AKR1B1: variants seen among roughly 807,000 people sequenced by gnomAD.
AKR1B1 encodes the protein aldo-keto reductase family 1 member B1.
In AKR1B1, 22 loss-of-function variants were observed where a neutral mutation model predicts 40.4. The observed-to-expected ratio is 0.54, with a 90% CI of 0.39 to 0.78. The LOEUF (loss-of-function observed/expected upper bound fraction) is 0.78, where lower values mean the gene tolerates loss of function less well. Ranked by LOEUF, AKR1B1 falls within the 30% of genes least tolerant of loss-of-function variation. The pLI is 0.00. For missense variants in AKR1B1, 357 were observed against 396.7 expected, an observed-to-expected ratio of 0.90 and a Z score of 0.85; for synonymous variants, 157 against 149.9, an observed-to-expected ratio of 1.05 and a Z score of -0.35.
Position 134,442,519 on chromosome 7 carries a change from G to T in AKR1B1, c.*209C>A. ...AGGTTGTACTTTCCCCAGCAGGGTA[G>T]AAAGAAGGGCAAAGCAAACTGGAAG... On this transcript the variant is annotated 3_prime_UTR_variant, in exon 10 of 10. Transcript: ENST00000285930. The T allele has an allele frequency of 3.6e-6, 2 of 560,998 alleles. No individual in the cohort carries two copies. 34.8% of individuals were successfully genotyped at this position (560,998 alleles called of 1,614,324 possible).
rs749362657 is a variant in AKR1B1, at chr7:134,448,463, TCTC to T, written c.580_582del (p.Glu194del). ...TTGGACTGGCAGTACTGGATTAACTTCTCCTGAGTGAGATATGGGTGGCACTCA... is the reference window on the plus strand; with the variant it reads ...TTGGACTGGCAGTACTGGATTAACTTCTGAGTGAGATATGGGTGGCACTCA... On this transcript the variant is annotated inframe_deletion, in exon 6 of 10. Transcript: ENST00000285930. 13 of 1,613,742 alleles carry T rather than the reference TCTC, an allele frequency of 8.1e-6. No homozygotes were observed. Among genetic ancestry groups the T allele is most frequent in the Non-Finnish European group, 1.1e-5 (13 of 1,179,932 alleles).
At chr7:134,452,496 A>G (rs1806318295) in intron 1 of AKR1B1, among the ~76,000 whole-genome samples, 1 of 152,236 alleles carries the variant, frequency 6.6e-6, no homozygotes, top group Non-Finnish European at 1.5e-5. Context: ...ATGGGTGTCC[A>G]TGGCCAAGCC....
chr7:134,459,078 C>T lies in AKR1B1; in HGVS notation c.-16G>A. On this transcript the variant is annotated 5_prime_UTR_variant, in exon 1 of 10. Transcript: ENST00000285930. Reference sequence around the variant, plus strand: ...GGCTTGCCATGGCTGCTGCGCTCCCCAGACCCCCGCCCAGTACGGTGCGGC... The same window carrying T: ...GGCTTGCCATGGCTGCTGCGCTCCCTAGACCCCCGCCCAGTACGGTGCGGC... 2 of 1,597,640 alleles carry T rather than the reference C, an allele frequency of 1.3e-6. No homozygotes were observed. The highest frequency in any genetic ancestry group is 1.7e-6 in the Non-Finnish European group (2 of 1,173,014).
intron 1 of AKR1B1, among the ~76,000 whole-genome samples, chr7:134,457,560 T>C (rs1806508668): frequency 6.6e-6 from 1 of 152,176 alleles, no homozygotes; most frequent in Admixed American, 6.5e-5. Flanking sequence ...TTACCTTATA[T>C]TTACTAATTT....
At chr7:134,452,138 T>C (rs1325831112) in intron 1 of AKR1B1, among the ~76,000 whole-genome samples, 1 of 152,206 alleles carries the variant, frequency 6.6e-6, no homozygotes, top group East Asian at 1.9e-4. Flanking sequence ...TCTCAAAATA[T>C]TTCAAAAATA....
chr7:134,450,549 C>A (rs1254357228), intron 3 of AKR1B1, among the ~76,000 whole-genome samples: 1 of 152,204 alleles, frequency 6.6e-6, no homozygotes, highest in Non-Finnish European at 1.5e-5. Context: ...GCTCCTCAAA[C>A]TTTGAAGAAG....
At chr7:134,444,830 C>T in intron 9 of AKR1B1, 1 of 317,770 alleles carries the variant, frequency 3.1e-6, no homozygotes, top group Non-Finnish European at 6.1e-6. Flanking sequence ...CTGTCTCAAA[C>T]CTCAGCCCCA....
rs1047443192 is a variant in AKR1B1, at chr7:134,451,353, G to A, written c.234+233C>T. The A allele has an allele frequency of 2.0e-5, 12 of 615,356 alleles. No homozygotes were observed. In the Admixed American group the frequency reaches 2.4e-4, roughly 12 times the overall value. The allele number at this position is 615,356 out of a possible 1,614,324, so 38.1% of individuals were successfully genotyped here. On this transcript the variant is annotated intron_variant, in intron 2 of 9. Coordinates refer to ENST00000285930, the MANE Select transcript of AKR1B1 (RefSeq NM_001628.4). ...AAGGGAGGGCCAATCCACAACCTCAGCCTCATCAGCACGGGACTCTAAGCA... is the reference window on the plus strand; with the variant it reads ...AAGGGAGGGCCAATCCACAACCTCAACCTCATCAGCACGGGACTCTAAGCA...
intron 1 of AKR1B1, among the ~76,000 whole-genome samples, chr7:134,457,533 T>C (rs1443458395): frequency 3.3e-5 from 5 of 152,234 alleles, no homozygotes; most frequent in Admixed American, 2.6e-4. Flanking sequence ...CTCTCCCTGA[T>C]GCAAATGACC....
intron 8 of AKR1B1, 144 bp from the exon 9 acceptor site, chr7:134,445,464 T>C: frequency 1.4e-6 from 1 of 735,252 alleles, no homozygotes; most frequent in Non-Finnish European, 2.4e-6. Context: ...GATATATTAG[T>C]ATTCAGGAAA....
intron 9 of AKR1B1, among the ~76,000 whole-genome samples, chr7:134,443,745 G>A (rs762148496): frequency 5.9e-5 from 9 of 152,034 alleles, no homozygotes; most frequent in Non-Finnish European, 8.8e-5. Flanking sequence ...ATCTGAGCTG[G>A]GTGCTTACAG....
Position 134,447,336 on chromosome 7 carries a change from T to C in AKR1B1, c.787A>G (p.Lys263Glu), listed in dbSNP as rs201921941. 158 of 1,613,976 alleles carry C rather than the reference T, an allele frequency of 9.8e-5. No homozygotes were observed. The highest frequency in any genetic ancestry group is 8.4e-5 in the Non-Finnish European group (99 of 1,180,012). Residue 263 changes from lysine to glutamate, a missense_variant, in exon 8 of 10, where the codon AAG (lysine) becomes GAG (glutamate). Lys to Glu is a moderately conservative substitution (Grantham distance 56, BLOSUM62 1). Transcript: ENST00000285930. ...PMQRNLVVIPKSVTPERIAEN... is the reference protein window; with the variant it reads ...PMQRNLVVIPESVTPERIAEN... ...GCAATGCGTTCTGGTGTCACAGACT[T>C]GGGGATCACCACCAAGTTCCTCTGC...
Position 134,459,058 on chromosome 7 carries a change from G to A in AKR1B1, c.5C>T (p.Ala2Val), listed in dbSNP as rs776171717. 1.9e-6 allele frequency: 3 copies of A among 1,603,758 alleles called. No individual in the cohort carries two copies. The highest frequency in any genetic ancestry group is 1.7e-6 in the Non-Finnish European group (2 of 1,176,022). Residue 2 changes from alanine to valine, a missense_variant, in exon 1 of 10, where the codon GCA (alanine) becomes GTA (valine). By Grantham distance (64) the Ala-to-Val change is moderately conservative (BLOSUM62 0). Transcript: ENST00000285930. The part of the protein sequence containing the change: M[A>V]SRLLLNNGAK... ...GCCGTTGTTGAGCAGGAGACGGCTT[G>A]CCATGGCTGCTGCGCTCCCCAGACC...
intron 4 of AKR1B1, 85 bp downstream of exon 4, chr7:134,449,635 C>T (rs1364411409): frequency 2.8e-6 from 3 of 1,081,178 alleles, no homozygotes; most frequent in Non-Finnish European, 4.3e-6. Context: ...TAACAAAATG[C>T]AATGTGAGAA....
At chr7:134,451,184 C>T (rs539900559) in intron 2 of AKR1B1, 22 of 555,512 alleles carry the variant, frequency 4.0e-5, no homozygotes, top group Admixed American at 6.0e-5. Flanking sequence ...ACTTTCCCCC[C>T]GGGCTGGTGT....
At chr7:134,459,196 T>A, upstream of AKR1B1, 1 of 1,137,770 alleles carries the variant, frequency 8.8e-7, no homozygotes, top group African/African-American at 1.5e-5. Context: ...GCCTTCTGAT[T>A]GGTTGCGCTG....
At position 134,445,340 on chromosome 7, in the gene AKR1B1, A is replaced by T. The variant is rs374426896; in HGVS notation, c.826-20T>A. The T allele has an allele frequency of 4.8e-5, 77 of 1,600,354 alleles. 1 individual carries two copies. In the African/African-American group the frequency reaches 7.6e-4, roughly 16 times the overall value. The stretch of plus-strand genomic sequence containing the variant: ...AAAGACCTAAAAAACAAACAAAAAA[A>T]TCCAGTAAGCTCTGCAAATAAAAAT... On this transcript the variant is annotated intron_variant, in intron 8 of 9. Transcript: ENST00000285930.
intron 8 of AKR1B1, among the ~76,000 whole-genome samples, chr7:134,446,390 G>T (rs1046877127): frequency 3.3e-5 from 5 of 152,210 alleles, no homozygotes; most frequent in Non-Finnish European, 7.3e-5. Context: ...CAGTCTTTGG[G>T]CAGTGGAATT....
At position 134,449,704 on chromosome 7, in the gene AKR1B1, C is replaced by T. The variant is rs1806227750; in HGVS notation, c.429+16G>A. ...AACCAGTCACGAAAACAAGGTCCAA[C>T]CAGGGGCTGTCTTACCGCCCACGTG... On this transcript the variant is annotated intron_variant, in intron 4 of 9. Transcript: ENST00000285930. 3.1e-6 allele frequency: 5 copies of T among 1,610,424 alleles called. No individual in the cohort carries two copies. Among genetic ancestry groups the T allele is most frequent in the Non-Finnish European group, 3.4e-6 (4 of 1,176,738 alleles).
Sources: gnomAD v4.1 joint callset for allele counts (sites outside exome capture counted in the v4.1 genomes callset) on GRCh38, gnomAD v4.1.1 for gene constraint, MANE v1.5 for transcripts, NCBI Gene and HGNC (gene_info 2026-07-23, HGNC 2026-07-21) for gene names.